Variants in FRMD4A observed in about 807,000 individuals in gnomAD.
FRMD4A encodes the protein FERM domain containing 4A.
In FRMD4A, 29 loss-of-function variants were observed where a neutral mutation model predicts 129.1. The observed-to-expected ratio is 0.22, with a 90% confidence interval of 0.17 to 0.31. FRMD4A has a LOEUF of 0.31. FRMD4A is among the 10% of genes least tolerant of loss of function. The pLI, the probability that FRMD4A is intolerant of heterozygous loss-of-function variation, is 1.00. For missense variants in FRMD4A, 1,272 were observed against 1,375.8 expected, an observed-to-expected ratio of 0.92 and a Z score of 1.19; for synonymous variants, 634 against 571.6, an observed-to-expected ratio of 1.11 and a Z score of -1.56.
chr10:13,702,545 T>TAC (rs2134879947), intron 13 of FRMD4A, among the ~76,000 whole-genome samples: 1 of 131,836 alleles, frequency 7.6e-6, no homozygotes, highest in African/African-American at 3.7e-5. Flanking sequence ...TTTGCATGTG[T>TAC]GTGTGTGTGT....
At chr10:13,693,385 T>A in intron 15 of FRMD4A, 1 of 416,854 alleles carries the variant, frequency 2.4e-6, no homozygotes, top group Non-Finnish European at 3.6e-6. Flanking sequence ...GAACCAGATC[T>A]CTGACTCGCA....
chr10:13,781,896 G>A (rs2092745973), intron 6 of FRMD4A, among the ~76,000 whole-genome samples: 1 of 152,114 alleles, frequency 6.6e-6, no homozygotes, highest in African/African-American at 2.4e-5. Flanking sequence ...GGTGAATGAC[G>A]GTGGGGATGG....
chr10:14,107,329 A>G (rs1234989339), intron 2 of FRMD4A, among the ~76,000 whole-genome samples: 1 of 152,224 alleles, frequency 6.6e-6, no homozygotes, highest in Non-Finnish European at 1.5e-5. Context: ...ACAAACCTGC[A>G]TGTGAACCCC....
chr10:14,287,018 C>T (rs553038380), intron 2 of FRMD4A, among the ~76,000 whole-genome samples: 5 of 152,290 alleles, frequency 3.3e-5, no homozygotes, highest in South Asian at 2.1e-4. Flanking sequence ...TCACTCTTGG[C>T]GTTCTGCACT....
In FRMD4A at chr10:13,821,760, AC is replaced by A. The variant is rs1288119078; in HGVS notation, c.112-10853del. ...CGCGGCACACAGGTGGGCATGGGTC[AC>A]CCAGGATTATAGGAAGAGCCAGAGA... On this transcript the variant is annotated intron_variant, in intron 3 of 24. Coordinates refer to ENST00000357447, the MANE Select transcript of FRMD4A (RefSeq NM_018027.5). The surrounding 1 kb of genome is among the most constrained non-coding windows in gnomAD (Gnocchi z 4.3). Among the ~76,000 whole-genome samples the A allele has an allele frequency of 6.6e-6, 1 of 152,162 alleles. No individual in the cohort carries two copies. The highest frequency in any genetic ancestry group is 6.5e-5 in the Admixed American group (1 of 15,268).
intron 13 of FRMD4A, among the ~76,000 whole-genome samples, chr10:13,703,008 G>A (rs1039587780): frequency 2.0e-5 from 3 of 151,698 alleles, no homozygotes; most frequent in Non-Finnish European, 2.9e-5. Flanking sequence ...GAGATCCCTC[G>A]CCAGTCTCTC....
rs565376160 is a variant in FRMD4A, at chr10:14,181,520, G to A, written c.45+148538C>T. On this transcript the variant is annotated intron_variant, in intron 2 of 24. Transcript: ENST00000357447. ...TGTTCCTGCAAAGTTAGCATGCAGGGTAGCATTTTTACCTCCCGCTTTTGT... is the reference window on the plus strand; with the variant it reads ...TGTTCCTGCAAAGTTAGCATGCAGGATAGCATTTTTACCTCCCGCTTTTGT... Among the ~76,000 whole-genome samples, 10 of 152,294 alleles carry A rather than the reference G, an allele frequency of 6.6e-5. No homozygotes were observed. In the South Asian group the frequency reaches 1.9e-3, roughly 28 times the overall value.
intron 2 of FRMD4A, among the ~76,000 whole-genome samples, chr10:14,197,409 G>A (rs1297309434): frequency 6.6e-6 from 1 of 152,146 alleles, no homozygotes; most frequent in Non-Finnish European, 1.5e-5. Context: ...TTTTGAGATG[G>A]AGTCTAGCTC....
intron 2 of FRMD4A, among the ~76,000 whole-genome samples, chr10:13,916,361 C>A (rs1055114547): frequency 6.6e-6 from 1 of 152,214 alleles, no homozygotes; most frequent in African/African-American, 2.4e-5. Flanking sequence ...TTTGCTTCTA[C>A]ATCTACTCTT....
intron 16 of FRMD4A, among the ~76,000 whole-genome samples, chr10:13,670,966 A>T (rs2083463234): frequency 6.6e-6 from 1 of 152,202 alleles, no homozygotes; most frequent in Non-Finnish European, 1.5e-5. Context: ...TGCATCAAAT[A>T]TTCCTGCTCA....
At chr10:13,808,789 C>T (rs1235472654) in intron 4 of FRMD4A, among the ~76,000 whole-genome samples, 1 of 152,222 alleles carries the variant, frequency 6.6e-6, no homozygotes, top group Admixed American at 6.5e-5. Context: ...GCCGCCACTC[C>T]TTCTGTGGCT....
rs764520883 is a variant in FRMD4A, at chr10:13,666,202, A to G, written c.1498T>C (p.Tyr500His). 65 of 1,613,456 alleles carry G rather than the reference A, an allele frequency of 4.0e-5. No individual in the cohort carries two copies. Among genetic ancestry groups the G allele is most frequent in the Non-Finnish European group, 5.2e-5 (61 of 1,179,482 alleles). The change falls in exon 18 of 25, where the codon TAT (tyrosine) becomes CAT (histidine). Residue 500 changes from tyrosine (Y) to histidine (H), a missense_variant. Physicochemically the swap from Tyr to His is moderately conservative, Grantham distance 83. This residue lies in a region of FRMD4A where 972 missense variants were observed against 892.3 expected (regional missense o/e 1.09). Coordinates refer to ENST00000357447, the MANE Select transcript of FRMD4A (RefSeq NM_018027.5). ...KKLKKQRKTSYLNALKKLQEI... is the reference protein window; with the variant it reads ...KKLKKQRKTSHLNALKKLQEI... The stretch of plus-strand genomic sequence containing the variant: ...TGCAGTTTCTTCAGTGCATTCAGAT[A>G]CGAGGTTTTCCTTTGTTTCTTCAGT...
At chr10:14,012,103 A>G (rs973473754) in intron 2 of FRMD4A, among the ~76,000 whole-genome samples, 4 of 151,438 alleles carry the variant, frequency 2.6e-5, no homozygotes, top group African/African-American at 7.3e-5. Context: ...ATAGTGGATG[A>G]CACGGTACCC....
At chr10:14,254,056 G>T (rs1383656014) in intron 2 of FRMD4A, among the ~76,000 whole-genome samples, 2 of 152,050 alleles carry the variant, frequency 1.3e-5, no homozygotes, top group Non-Finnish European at 2.9e-5. Flanking sequence ...ATGCTCACTG[G>T]CTCAAGGGAA....
chr10:13,647,249 G>C (rs1416733177), intron 24 of FRMD4A: 1 of 152,314 alleles, frequency 6.6e-6, no homozygotes, highest in African/African-American at 2.4e-5. Flanking sequence ...CTGAAACCTA[G>C]AGCATTTGTG....
At chr10:14,243,369 A>C (rs1218390) in intron 2 of FRMD4A, among the ~76,000 whole-genome samples, 123,439 of 151,858 alleles carry the variant, frequency 0.81, 50,582 homozygotes, top group Non-Finnish European at 0.87. Context: ...TCCTCCTTCA[A>C]ATGCTCTTTC....
intron 2 of FRMD4A, among the ~76,000 whole-genome samples, chr10:14,029,326 G>C (rs1211416981): frequency 6.6e-6 from 1 of 151,982 alleles, no homozygotes; most frequent in Non-Finnish European, 1.5e-5. Flanking sequence ...CTTCTCCCTA[G>C]GGAAACGGTG....
intron 2 of FRMD4A, among the ~76,000 whole-genome samples, chr10:14,294,344 G>A (rs1213979685): frequency 6.6e-6 from 1 of 152,200 alleles, no homozygotes; most frequent in Non-Finnish European, 1.5e-5. Context: ...AAACTGCTTA[G>A]TGTGAACTAA....
intron 2 of FRMD4A, among the ~76,000 whole-genome samples, chr10:14,227,116 A>T (rs907556124): frequency 2.6e-5 from 4 of 152,012 alleles, no homozygotes; most frequent in Non-Finnish European, 4.4e-5. Context: ...GAAGGTGCCA[A>T]GCTTTCCTCT....
Sources: gnomAD v4.1 joint callset for allele counts (sites outside exome capture counted in the v4.1 genomes callset) on GRCh38, gnomAD v4.1.1 for gene constraint, gnomAD v4.1.1 regional missense constraint, Gnocchi (gnomAD v3.1) non-coding constraint, MANE v1.5 for transcripts, NCBI Gene and HGNC (gene_info 2026-07-23, HGNC 2026-07-21) for gene names.